RNF111: variants seen among roughly 807,000 people sequenced by gnomAD.
RNF111 encodes the protein ring finger protein 111.
RNF111 carries 17 observed loss-of-function variants against 95.1 expected under a neutral mutation model. That is an observed-to-expected ratio of 0.18 (90% CI 0.12 to 0.27). RNF111 has a LOEUF of 0.27. RNF111 is among the 10% of genes least tolerant of loss of function. The pLI is 1.00. For synonymous variants in RNF111, 440 were observed against 414.8 expected, an observed-to-expected ratio of 1.06 and a Z score of -0.74; for missense variants, 1,189 against 1,210.4, an observed-to-expected ratio of 0.98 and a Z score of 0.26.
rs577393366 is a variant in RNF111 at position 59,033,827 on chromosome 15, A to G, written c.880+2125A>G. Among the ~76,000 whole-genome samples, 11 of 152,230 alleles carry G rather than the reference A, an allele frequency of 7.2e-5. No individual in the cohort carries two copies. In the South Asian group the frequency reaches 2.1e-3, roughly 29 times the overall value. On this transcript the variant is annotated intron_variant, in intron 2 of 13. Transcript: ENST00000348370. ...GCAGAATTACGTTATTTTTAACTAC[A>G]TTATTTTCAGACACTACCCTCAAAC...
intron 11 of RNF111, 54 bp from the exon 12 acceptor site, chr15:59,091,005 G>A: frequency 9.3e-7 from 1 of 1,077,396 alleles, no homozygotes; most frequent in South Asian, 1.3e-5. Context: ...TGACAGTTCT[G>A]TTCAAGGAAT....
At chr15:59,077,591 C>T (rs2078603372) in intron 7 of RNF111, among the ~76,000 whole-genome samples, 1 of 152,094 alleles carries the variant, frequency 6.6e-6, no homozygotes, top group Non-Finnish European at 1.5e-5. Context: ...TGCATATTAG[C>T]ACATAAAAAT....
chr15:59,020,621 G>T (rs539903315), intron 1 of RNF111, among the ~76,000 whole-genome samples: 1 of 152,174 alleles, frequency 6.6e-6, no homozygotes, highest in Non-Finnish European at 1.5e-5. Flanking sequence ...AATATTTAAG[G>T]ATTTCAGAAT....
intron 1 of RNF111, among the ~76,000 whole-genome samples, chr15:59,026,584 A>T (rs905386948): frequency 6.6e-6 from 1 of 152,234 alleles, no homozygotes; most frequent in African/African-American, 2.4e-5. Flanking sequence ...TGGTTTTATC[A>T]AACAGCAAAT....
At chr15:59,024,630 C>T (rs562050251) in intron 1 of RNF111, among the ~76,000 whole-genome samples, 1 of 152,232 alleles carries the variant, frequency 6.6e-6, no homozygotes, top group East Asian at 1.9e-4. Context: ...ACTTTACTAG[C>T]CTTTCCAGGA....
Position 59,030,850 on chromosome 15 carries a change from G to A in RNF111, c.28G>A (p.Glu10Lys), listed in dbSNP as rs745819875. 15 of 1,606,202 alleles carry A rather than the reference G, an allele frequency of 9.3e-6. No individual in the cohort carries two copies. Among genetic ancestry groups the A allele is most frequent in the South Asian group, 3.3e-5 (3 of 89,584 alleles). MSQWTPEYN[E>K]LYTLKVDMKS... ...GTCTCAATGGACTCCTGAATATAACGAGCTCTACACCTTAAAAGTGGATAT... is the reference window on the plus strand; with the variant it reads ...GTCTCAATGGACTCCTGAATATAACAAGCTCTACACCTTAAAAGTGGATAT... Residue 10 changes from glutamate to lysine, a missense_variant, in exon 2 of 14, where the codon GAG becomes AAG. Glu to Lys is a moderately conservative substitution (Grantham distance 56). Coordinates refer to ENST00000348370, the MANE Select transcript of RNF111 (RefSeq NM_017610.8).
At chr15:59,021,164 T>C (rs1280338079) in intron 1 of RNF111, among the ~76,000 whole-genome samples, 1 of 152,186 alleles carries the variant, frequency 6.6e-6, no homozygotes, top group Non-Finnish European at 1.5e-5. Context: ...TTTTTTTGTT[T>C]GTTTGAGATG....
At chr15:59,036,970 G>A (rs2041209571) in intron 2 of RNF111, among the ~76,000 whole-genome samples, 1 of 151,760 alleles carries the variant, frequency 6.6e-6, no homozygotes, top group African/African-American at 2.4e-5. Flanking sequence ...AGCTGGCACA[G>A]CAGCAGGTGT....
intron 10 of RNF111, among the ~76,000 whole-genome samples, chr15:59,087,987 A>T (rs1269987269): frequency 6.6e-6 from 1 of 152,166 alleles, no homozygotes; most frequent in African/African-American, 2.4e-5. Context: ...AAACATGGAG[A>T]CAGTGAATAT....
In RNF111 at chr15:59,081,174, G is replaced by T. The variant is rs538805502; in HGVS notation, c.2187G>T (p.Gln729His). The T allele has an allele frequency of 1.2e-6, 2 of 1,614,112 alleles. No homozygotes were observed. The highest frequency in any genetic ancestry group is 2.2e-5 in the South Asian group (2 of 91,074). ...PIPQHLPPTH[Q>H]PISHHIPATA... Reference sequence around the variant, plus strand: ...CTCAGCATCTTCCTCCTACACACCAGCCAATTTCGCACCATATTCCAGCCA... The same window carrying T: ...CTCAGCATCTTCCTCCTACACACCATCCAATTTCGCACCATATTCCAGCCA... Residue 729 changes from glutamine (Q) to histidine (H), a missense_variant, in exon 8 of 14, where the codon CAG becomes CAT. By Grantham distance (24) the Gln-to-His change is conservative. Transcript: ENST00000348370.
At position 59,031,481 on chromosome 15, in the gene RNF111, A is replaced by C; in HGVS notation, c.659A>C (p.Asn220Thr). 6.2e-7 allele frequency: 1 copy of C among 1,614,226 alleles called. No individual in the cohort carries two copies. Among genetic ancestry groups the C allele is most frequent in the Non-Finnish European group, 8.5e-7 (1 of 1,180,038 alleles). ...LPCRKRFVKN[N>T]SSQRTQKQKE... ...TGCAGAAAGAGATTTGTAAAAAATA[A>C]TTCCTCACAGAGGACACAGAAACAA... The change falls in exon 2 of 14, where the codon AAT (asparagine) becomes ACT (threonine). Residue 220 changes from asparagine (N) to threonine (T), a missense_variant. By Grantham distance (65) the Asn-to-Thr change is moderately conservative (BLOSUM62 0). Coordinates refer to ENST00000348370, the MANE Select transcript of RNF111 (RefSeq NM_017610.8).
chr15:59,058,403 A>G lies in RNF111; in HGVS notation c.1219A>G (p.Thr407Ala). 2 of 1,614,120 alleles carry G rather than the reference A, an allele frequency of 1.2e-6. No homozygotes were observed. Among genetic ancestry groups the G allele is most frequent in the Non-Finnish European group, 1.7e-6 (2 of 1,179,970 alleles). ...TTCTGCAAGAATGGAATCACAAGCT[A>G]CTAGCGCTTCCATTAACAATTCAAA... ...TTSARMESQA[T>A]SASINNSNPS... is the part of the protein sequence containing the mutation. The change falls in exon 5 of 14, where the codon ACT becomes GCT. Residue 407 changes from threonine to alanine, a missense_variant. Physicochemically the swap from Thr to Ala is moderately conservative, Grantham distance 58. This residue lies in a region of RNF111 where 1,024 missense variants were observed against 925.9 expected (regional missense o/e 1.11). Coordinates refer to ENST00000348370, the MANE Select transcript of RNF111 (RefSeq NM_017610.8).
chr15:59,045,428 A>G (rs1253454962), intron 2 of RNF111, among the ~76,000 whole-genome samples: 1 of 152,074 alleles, frequency 6.6e-6, no homozygotes, highest in Non-Finnish European at 1.5e-5. Context: ...TGACCTTGTG[A>G]TCTGCCCGTC....
chr15:59,095,892 T>A lies in RNF111; in HGVS notation c.*992T>A, dbSNP rs1596325297. On this transcript the variant is annotated 3_prime_UTR_variant, in exon 14 of 14. Transcript: ENST00000348370. ...GGTATCTGTGCATTCATAGAACTTA[T>A]AAAGGTCCCAGGATCACTTTTAAGG... 1 of 397,114 alleles carries A rather than the reference T, an allele frequency of 2.5e-6. No homozygotes were observed. Among genetic ancestry groups the A allele is most frequent in the East Asian group, 3.6e-5 (1 of 27,896 alleles). 24.6% of individuals were successfully genotyped at this position (397,114 alleles called of 1,614,324 possible). A position where few individuals can be genotyped will look rare whatever the true frequency, so the allele number is the denominator to read the frequency against.
chr15:59,037,577 C>T (rs1160052576), intron 2 of RNF111, among the ~76,000 whole-genome samples: 2 of 152,158 alleles, frequency 1.3e-5, no homozygotes, highest in Non-Finnish European at 2.9e-5. Context: ...TGGCTCACAC[C>T]TGTAATCTCA....
At chr15:58,995,764 C>CTTTTTTTTTTTTTTTTTTTTT (rs34209382) in intron 1 of RNF111, among the ~76,000 whole-genome samples, 1 of 99,528 alleles carries the variant, frequency 1.0e-5, no homozygotes, top group African/African-American at 4.0e-5. Flanking sequence ...GTGCCCCGGC[C>CTTTTTTTTTTTTTTTTTTTTT]TTTTTTTTTT....
intron 1 of RNF111, 107 bp downstream of exon 1, chr15:58,988,175 G>C (rs898719833): frequency 6.6e-6 from 1 of 152,586 alleles, no homozygotes; most frequent in Middle Eastern, 3.4e-3. Flanking sequence ...GCCGCGGAAG[G>C]CTGGGGTCGG....
chr15:59,006,393 A>G lies in RNF111; in HGVS notation c.-20+18325A>G, dbSNP rs556902884. Among the ~76,000 whole-genome samples the G allele has an allele frequency of 4.3e-4, 66 of 152,252 alleles. No homozygotes were observed. The Middle Eastern group carries it at 0.02, about 47-fold the overall frequency. On this transcript the variant is annotated intron_variant, in intron 1 of 13. Coordinates refer to ENST00000348370, the MANE Select transcript of RNF111 (RefSeq NM_017610.8). Reference sequence around the variant, plus strand: ...CATCTCCTGCCTCAGGCAACTACTCATCTGATTTTTGACATCATAGATGAG... The same window carrying G: ...CATCTCCTGCCTCAGGCAACTACTCGTCTGATTTTTGACATCATAGATGAG...
At chr15:59,019,992 A>G (rs2040255960) in intron 1 of RNF111, among the ~76,000 whole-genome samples, 1 of 151,974 alleles carries the variant, frequency 6.6e-6, no homozygotes, top group African/African-American at 2.4e-5. Context: ...ATTTATTGAT[A>G]GGAAAATATA....
Sources: allele counts gnomAD v4.1 joint callset (sites outside exome capture counted in the v4.1 genomes callset), GRCh38; gene constraint gnomAD v4.1.1; regional missense constraint gnomAD v4.1.1; transcripts MANE v1.5; gene names NCBI Gene and HGNC (gene_info 2026-07-23, HGNC 2026-07-21).